Variants in ARAP2 observed in about 807,000 individuals in gnomAD.
ARAP2 encodes the protein ArfGAP with RhoGAP domain, ankyrin repeat and PH domain 2.
ARAP2 carries 148 observed loss-of-function variants against 194.5 expected under a neutral mutation model. That is an observed-to-expected ratio of 0.76 (90% CI 0.67 to 0.87). The LOEUF is 0.87. ARAP2 is among the 40% of genes least tolerant of loss of function. ARAP2 has a pLI of 0.00. For missense variants in ARAP2, 2,128 were observed against 1,989.7 expected (o/e 1.07, Z -1.32); for synonymous variants, 695 against 683.5 (o/e 1.02, Z -0.26).
At chr4:36,225,774 C>A (rs1336977628) in intron 2 of ARAP2, among the ~76,000 whole-genome samples, 1 of 152,084 alleles carries the variant, frequency 6.6e-6, no homozygotes, top group Admixed American at 6.6e-5. Flanking sequence ...TTCCTTTGAG[C>A]AGCTGTATGA....
At chr4:36,094,106 T>C (rs759763791) in intron 27 of ARAP2, among the ~76,000 whole-genome samples, 1 of 152,210 alleles carries the variant, frequency 6.6e-6, no homozygotes, top group Non-Finnish European at 1.5e-5. Context: ...AGCTCAGAGA[T>C]TGGCAAATTA....
rs774479861 is a variant in ARAP2, at chr4:36,228,972, C to T, written c.515G>A (p.Gly172Asp). 4.3e-6 allele frequency: 7 copies of T among 1,614,024 alleles called. No homozygotes were observed. Among genetic ancestry groups the T allele is most frequent in the African/African-American group, 4.0e-5 (3 of 75,032 alleles). The change falls in exon 2 of 33, where the codon GGT becomes GAT. Residue 172 changes from glycine (G) to aspartate (D), a missense_variant. Coordinates refer to ENST00000303965, the MANE Select transcript of ARAP2 (RefSeq NM_015230.4). ...TGATTCTATTTTAATATTGTCACTA[C>T]CAAATAAAGAATCATTCAAAGAACC... is the stretch of plus-strand genomic sequence containing the variant. ...NLGSLNDSLF[G>D]SDNIKIESLI...
intron 32 of ARAP2, among the ~76,000 whole-genome samples, chr4:36,071,120 A>C (rs1446053548): frequency 6.6e-6 from 1 of 152,198 alleles, no homozygotes; most frequent in Non-Finnish European, 1.5e-5. Context: ...TAAAATAGCA[A>C]TTTTGAAAAA....
chr4:36,212,753 T>G (rs1176811748), intron 4 of ARAP2, among the ~76,000 whole-genome samples: 4 of 151,988 alleles, frequency 2.6e-5, no homozygotes, highest in African/African-American at 7.2e-5. Flanking sequence ...AAAATAAAAT[T>G]TATGTACTTT....
At chr4:36,181,657 T>G (rs1303048993) in intron 8 of ARAP2, among the ~76,000 whole-genome samples, 2 of 152,372 alleles carry the variant, frequency 1.3e-5, no homozygotes, top group East Asian at 3.9e-4. Context: ...CACATAAGTG[T>G]TGTTCTTCAA....
intron 27 of ARAP2, among the ~76,000 whole-genome samples, chr4:36,097,736 T>C (rs1003009017): frequency 3.9e-5 from 6 of 152,096 alleles, no homozygotes; most frequent in Non-Finnish European, 8.8e-5. Flanking sequence ...TACTATTTCA[T>C]TTACTACCTT....
At chr4:36,022,536 A>G (rs181001087) in intron 5 of ARAP2, among the ~76,000 whole-genome samples, 126 of 152,226 alleles carry the variant, frequency 8.3e-4, no homozygotes, top group Non-Finnish European at 5.6e-4. Context: ...TTACATTTAC[A>G]TGAAGGTGAA....
intron 5 of ARAP2, among the ~76,000 whole-genome samples, chr4:36,043,008 A>T (rs1192491448): frequency 6.6e-6 from 1 of 151,868 alleles, no homozygotes; most frequent in Non-Finnish European, 1.5e-5. Context: ...ATGCCTGACT[A>T]ATTTTTGTAT....
chr4:36,040,222 T>A (rs1454683886), intron 5 of ARAP2, among the ~76,000 whole-genome samples: 2 of 152,290 alleles, frequency 1.3e-5, no homozygotes, highest in East Asian at 3.9e-4. Context: ...CATAAAGAGG[T>A]AACCAAGAGA....
chr4:36,109,633 T>C lies in ARAP2; in HGVS notation c.4157-1940A>G, dbSNP rs1317751438. Among the ~76,000 whole-genome samples the C allele has an allele frequency of 3.3e-5, 5 of 152,076 alleles. No homozygotes were observed. In the East Asian group the frequency reaches 5.8e-4, roughly 18 times the overall value. ...TCAACTGTTAACTAACTCATAAGTT[T>C]GTTGTCTTCTAATTGAAGTTAGATA... On this transcript the variant is annotated intron_variant, in intron 26 of 32. Coordinates refer to ENST00000303965, the MANE Select transcript of ARAP2 (RefSeq NM_015230.4).
chr4:36,057,711 C>A (rs1009062730), intron 2 of ARAP2, among the ~76,000 whole-genome samples: 8 of 151,760 alleles, frequency 5.3e-5, no homozygotes, highest in Non-Finnish European at 8.8e-5. Flanking sequence ...AATTCCAATT[C>A]TCTGACAGAA....
rs560116770 is a variant in ARAP2 at position 36,099,389 on chromosome 4, G to T, written c.4286-7369C>A. 1.8e-4 allele frequency among the ~76,000 whole-genome samples: 27 copies of T among 152,188 alleles called. No homozygotes were observed. In the South Asian group the frequency reaches 5.0e-3, roughly 28 times the overall value. On this transcript the variant is annotated intron_variant, in intron 27 of 32. Transcript: ENST00000303965. Reference sequence around the variant, plus strand: ...AATATTTCTACTTCTTGAAGGGCATGGGCCTTATCTACAGTGCTGGGTTGA... The same window carrying T: ...AATATTTCTACTTCTTGAAGGGCATTGGCCTTATCTACAGTGCTGGGTTGA...
intron 15 of ARAP2, among the ~76,000 whole-genome samples, chr4:36,156,908 CT>C (rs934682832): frequency 6.6e-6 from 1 of 152,052 alleles, no homozygotes; most frequent in African/African-American, 2.4e-5. Context: ...GCATCAGTTT[CT>C]TTTTTAAATA....
At chr4:36,235,688 G>A (rs1055443821) in intron 1 of ARAP2, among the ~76,000 whole-genome samples, 3 of 152,230 alleles carry the variant, frequency 2.0e-5, no homozygotes, top group African/African-American at 7.2e-5. Flanking sequence ...GTGATGAGAA[G>A]TGGAAGGTGC....
At position 36,228,731 on chromosome 4, in the gene ARAP2, C is replaced by A. The variant is rs771795721; in HGVS notation, c.756G>T (p.Met252Ile). 5.6e-6 allele frequency: 9 copies of A among 1,614,084 alleles called. No homozygotes were observed. The highest frequency in any genetic ancestry group is 7.6e-6 in the Non-Finnish European group (9 of 1,179,982). The change falls in exon 2 of 33, where the codon ATG (methionine) becomes ATT (isoleucine). Residue 252 changes from methionine (M) to isoleucine (I), a missense_variant. Coordinates refer to ENST00000303965, the MANE Select transcript of ARAP2 (RefSeq NM_015230.4). ...ATGGAACATACAAGTCATTTACAAT[C>A]ATTTCTCCTTGAAACTTAAAGAATG... ...PSPFFKFQGE[M>I]IVNDLYVPSS...
intron 6 of ARAP2, among the ~76,000 whole-genome samples, chr4:36,016,771 C>T (rs561498897): frequency 2.0e-5 from 3 of 152,084 alleles, no homozygotes; most frequent in Non-Finnish European, 4.4e-5. Flanking sequence ...TGAGATAAAT[C>T]ACACAACCTC....
intron 5 of ARAP2, among the ~76,000 whole-genome samples, chr4:36,022,589 G>A (rs555102871): frequency 1.3e-5 from 2 of 152,122 alleles, no homozygotes; most frequent in Non-Finnish European, 2.9e-5. Context: ...CAAGGCCATT[G>A]ACTACACATC....
chr4:36,212,685 A>G (rs1348099924), intron 4 of ARAP2, among the ~76,000 whole-genome samples, 198 bp from the exon 5 acceptor site: 1 of 150,638 alleles, frequency 6.6e-6, no homozygotes, highest in African/African-American at 2.4e-5. Flanking sequence ...TTTTTTCACT[A>G]TTTTATTCAA....
chr4:36,107,797 C>A, intron 26 of ARAP2, 104 bp from the exon 27 acceptor site: 1 of 1,025,360 alleles, frequency 9.8e-7, no homozygotes, highest in Non-Finnish European at 1.4e-6. Context: ...CATCTGTAGG[C>A]AACATTATAC....
Sources: gnomAD v4.1 joint callset for allele counts (sites outside exome capture counted in the v4.1 genomes callset) on GRCh38, gnomAD v4.1.1 for gene constraint, MANE v1.5 for transcripts, NCBI Gene and HGNC (gene_info 2026-07-23, HGNC 2026-07-21) for gene names.